TNS4: variants seen among roughly 807,000 people sequenced by gnomAD.
The protein encoded by TNS4 is tensin 4, also known as tensin-4.
A neutral mutation model predicts 70.4 loss-of-function variants in TNS4; 46 were observed. The observed-to-expected ratio is 0.65, with a 90% CI of 0.52 to 0.84. TNS4 has a LOEUF of 0.84. TNS4 is among the 40% of genes least tolerant of loss of function. The pLI is 0.00. For missense variants in TNS4, 863 were observed against 907.0 expected, an observed-to-expected ratio of 0.95 and a Z score of 0.62; for synonymous variants, 390 against 366.6, an observed-to-expected ratio of 1.06 and a Z score of -0.73.
intron 1 of TNS4, among the ~76,000 whole-genome samples, chr17:40,500,923 G>T (rs959282108): frequency 8.5e-5 from 13 of 152,074 alleles, no homozygotes; most frequent in African/African-American, 2.7e-4. Context: ...CTCCCAGAGC[G>T]CTGGGAGGCG....
At chr17:40,480,793 C>T (rs1234956585) in intron 8 of TNS4, 25 bp from the exon 9 acceptor site, 2 of 1,597,630 alleles carry the variant, frequency 1.3e-6, no homozygotes, top group Non-Finnish European at 1.7e-6. Flanking sequence ...AGAAACAGGC[C>T]CCCCAAAGGG....
At chr17:40,493,278 C>T (rs190924976) in intron 2 of TNS4, among the ~76,000 whole-genome samples, 41 of 152,316 alleles carry the variant, frequency 2.7e-4, no homozygotes, top group Non-Finnish European at 5.3e-4. Flanking sequence ...TCTCCTAGCA[C>T]GGTAATGTCA....
At chr17:40,501,382 C>T (rs2036213690) in intron 1 of TNS4, among the ~76,000 whole-genome samples, 152 bp downstream of exon 1, 1 of 140,144 alleles carries the variant, frequency 7.1e-6, no homozygotes, top group Admixed American at 8.1e-5. Context: ...TGGAGGCAGA[C>T]GTTGGCAGTG....
In TNS4 at chr17:40,477,577, C is replaced by A. The variant is rs200360294; in HGVS notation, c.*11G>T. On this transcript the variant is annotated 3_prime_UTR_variant, in exon 13 of 13. Transcript: ENST00000254051. Reference sequence around the variant, plus strand: ...TGGAGGTGTTGGTTAGGTGCACAGGCAGTCTCTCCCCTACATCCTTTCTGC... The same window carrying A: ...TGGAGGTGTTGGTTAGGTGCACAGGAAGTCTCTCCCCTACATCCTTTCTGC... 22 of 1,613,682 alleles carry A rather than the reference C, an allele frequency of 1.4e-5. No individual in the cohort carries two copies. The highest frequency in any genetic ancestry group is 1.6e-4 in the Middle Eastern group (1 of 6,078).
intron 10 of TNS4, among the ~76,000 whole-genome samples, chr17:40,478,919 A>G (rs942069640): frequency 2.0e-5 from 3 of 151,914 alleles, no homozygotes; most frequent in Non-Finnish European, 4.4e-5. Flanking sequence ...TTTGGCCACT[A>G]ACTTTTTGAG....
intron 4 of TNS4, among the ~76,000 whole-genome samples, chr17:40,485,376 C>A (rs1436316596): frequency 1.3e-5 from 2 of 152,248 alleles, no homozygotes; most frequent in African/African-American, 4.8e-5. Flanking sequence ...TTTGATATTA[C>A]ATTCTCCTTC....
intron 6 of TNS4, 105 bp from the exon 7 acceptor site, chr17:40,482,521 A>G: frequency 9.7e-7 from 1 of 1,029,704 alleles, no homozygotes; most frequent in Non-Finnish European, 1.5e-6. Context: ...AGGTGGGCAG[A>G]TCACTTGAGG....
intron 1 of TNS4, among the ~76,000 whole-genome samples, chr17:40,499,174 C>T (rs182176652): frequency 1.3e-3 from 198 of 152,316 alleles, no homozygotes; most frequent in Middle Eastern, 3.4e-3. Context: ...CTATAGATTA[C>T]AGACATTGTA....
At chr17:40,482,812 C>T (rs1234134099) in intron 6 of TNS4, among the ~76,000 whole-genome samples, 2 of 152,058 alleles carry the variant, frequency 1.3e-5, no homozygotes, top group African/African-American at 2.4e-5. Context: ...TTGTCCATCC[C>T]CCTGCCTCTC....
At chr17:40,479,908 C>A in intron 9 of TNS4, 66 bp from the exon 10 acceptor site, 13 of 1,509,038 alleles carry the variant, frequency 8.6e-6, no homozygotes, top group Non-Finnish European at 1.2e-5. Flanking sequence ...CTGCCCAGGG[C>A]CAGGGGAGGG....
In TNS4 at chr17:40,496,027, G is replaced by T; in HGVS notation, c.399C>A (p.Ser133Arg). 1 of 1,613,424 alleles carries T rather than the reference G, an allele frequency of 6.2e-7. No homozygotes were observed. The highest frequency in any genetic ancestry group is 8.5e-7 in the Non-Finnish European group (1 of 1,179,782). The part of the protein sequence containing the change: ...TGGSQAELAQ[S>R]TMSMRKKEES... Reference sequence around the variant, plus strand: ...CCTCCTTCTTTCTCATTGACATGGTGCTCTGGGCCAGCTCAGCCTGGGAGC... The same window carrying T: ...CCTCCTTCTTTCTCATTGACATGGTTCTCTGGGCCAGCTCAGCCTGGGAGC... Residue 133 changes from serine to arginine, a missense_variant, in exon 2 of 13, where the codon AGC becomes AGA. Physicochemically the swap from Ser to Arg is moderately radical, Grantham distance 110. Coordinates refer to ENST00000254051, the MANE Select transcript of TNS4 (RefSeq NM_032865.6).
intron 1 of TNS4, among the ~76,000 whole-genome samples, chr17:40,500,820 G>A (rs1206570912): frequency 7.1e-6 from 1 of 141,752 alleles, no homozygotes; most frequent in Non-Finnish European, 1.5e-5. Context: ...ACCCGGTGAC[G>A]CAGGACGTGG....
At position 40,482,158 on chromosome 17, in the gene TNS4, A is replaced by G; in HGVS notation, c.1643T>C (p.Leu548Pro). The part of the protein sequence containing the change: ...VCQHSIMALA[L>P]PCKLTIPQRE... The stretch of plus-strand genomic sequence containing the variant: ...CTGTGGGATGGTGAGTTTGCAGGGC[A>G]GGGCCAGGGCCATGATGGAATGCTG... The change falls in exon 8 of 13, where the codon CTG becomes CCG. Residue 548 changes from leucine (L) to proline (P), a missense_variant. Physicochemically the swap from Leu to Pro is moderately conservative, Grantham distance 98. Transcript: ENST00000254051. 1 of 1,614,226 alleles carries G rather than the reference A, an allele frequency of 6.2e-7. No individual in the cohort carries two copies. Among genetic ancestry groups the G allele is most frequent in the Non-Finnish European group, 8.5e-7 (1 of 1,180,030 alleles).
intron 10 of TNS4, among the ~76,000 whole-genome samples, chr17:40,479,282 G>A (rs962254886): frequency 6.6e-6 from 1 of 152,156 alleles, no homozygotes; most frequent in Non-Finnish European, 1.5e-5. Context: ...CAAGTAGCTG[G>A]GATTACAGGT....
At chr17:40,478,540 C>T in intron 11 of TNS4, 40 bp downstream of exon 11, 2 of 1,612,384 alleles carry the variant, frequency 1.2e-6, no homozygotes, top group South Asian at 1.1e-5. Context: ...GCAGCGGGGC[C>T]CTGGACAGCC....
At chr17:40,498,313 G>C (rs1181302146) in intron 1 of TNS4, among the ~76,000 whole-genome samples, 1 of 152,196 alleles carries the variant, frequency 6.6e-6, no homozygotes. Flanking sequence ...TCATCTGTGA[G>C]ATGGTAATGA....
Position 40,480,759 on chromosome 17 carries a change from C to T in TNS4, c.1682G>A (p.Gly561Asp). The T allele has an allele frequency of 6.2e-7, 1 of 1,601,486 alleles. No individual in the cohort carries two copies. Among genetic ancestry groups the T allele is most frequent in the Non-Finnish European group, 8.5e-7 (1 of 1,174,838 alleles). Residue 561 changes from glycine to aspartate, a missense_variant, in exon 9 of 13, where the codon GGT becomes GAT. By Grantham distance (94) the Gly-to-Asp change is moderately conservative. Transcript: ENST00000254051. ...TGTAGAGTCCGAGGCCCCATCTGCACCTCCCAGTTCTGAGCCAAGGCAAAG... is the reference window on the plus strand; with the variant it reads ...TGTAGAGTCCGAGGCCCCATCTGCATCTCCCAGTTCTGAGCCAAGGCAAAG... Reference protein sequence around the residue: ...KLTIPQRELGGADGASDSTDS... With the variant: ...KLTIPQRELGDADGASDSTDS...
At position 40,501,223 on chromosome 17, in the gene TNS4, G is replaced by A. The variant is rs113493647; in HGVS notation, c.-96+311C>T. Among the ~76,000 whole-genome samples the A allele has an allele frequency of 3.2e-3, 482 of 152,246 alleles. 2 individuals are homozygous for A. Among genetic ancestry groups the A allele is most frequent in the Middle Eastern group, 0.01 (3 of 294 alleles). On this transcript the variant is annotated intron_variant, in intron 1 of 12. Transcript: ENST00000254051. ...GCACTTTGGGAGGCTAAGGTGGGAG[G>A]ATCACCTGAGGTCAGGAGTTTGAGA...
chr17:40,480,009 C>G, intron 9 of TNS4, 167 bp from the exon 10 acceptor site: 1 of 825,756 alleles, frequency 1.2e-6, no homozygotes, highest in Non-Finnish European at 1.8e-6. Context: ...AGTTTGAGGC[C>G]AACCCCAGAG....
Sources: allele counts gnomAD v4.1 joint callset (sites outside exome capture counted in the v4.1 genomes callset), GRCh38; gene constraint gnomAD v4.1.1; transcripts MANE v1.5; gene names NCBI Gene and HGNC (gene_info 2026-07-23, HGNC 2026-07-21).